Variants in SEMA3A observed in about 807,000 individuals in gnomAD.
SEMA3A encodes semaphorin 3A, also known as semaphorin-3A.
In SEMA3A, 29 loss-of-function variants were observed where a neutral mutation model predicts 97.9. The ratio of observed to expected loss-of-function variants is 0.30; its 90% CI spans 0.22 to 0.40. The LOEUF (loss-of-function observed/expected upper bound fraction) is 0.40. Among genes scored for constraint, SEMA3A ranks in the 10% least tolerant of loss-of-function variants. SEMA3A has a pLI of 1.00. For missense variants in SEMA3A, 763 were observed against 951.3 expected, an observed-to-expected ratio of 0.80 and a Z score of 2.60; for synonymous variants, 321 against 323.7, an observed-to-expected ratio of 0.99 and a Z score of 0.09.
At chr7:84,404,410 A>C in intron 1 of SEMA3A, among the ~76,000 whole-genome samples, 1 of 152,240 alleles carries the variant, frequency 6.6e-6, no homozygotes, top group East Asian at 1.9e-4. Flanking sequence ...GACCAAATCT[A>C]CGTCTAATTG....
chr7:84,331,153 A>T (rs1010931042), intron 2 of SEMA3A, among the ~76,000 whole-genome samples: 1 of 152,134 alleles, frequency 6.6e-6, no homozygotes, highest in Non-Finnish European at 1.5e-5. Flanking sequence ...TCCAAATCCT[A>T]CTTTGAAGCC....
intron 1 of SEMA3A, among the ~76,000 whole-genome samples, chr7:84,380,537 T>G (rs185627053): frequency 1.9e-4 from 29 of 152,214 alleles, no homozygotes; most frequent in Admixed American, 1.6e-3. Context: ...AGGACACTGA[T>G]GGAGATTATG....
At chr7:84,332,588 A>G (rs1801933526) in intron 2 of SEMA3A, among the ~76,000 whole-genome samples, 1 of 152,080 alleles carries the variant, frequency 6.6e-6, no homozygotes, top group Non-Finnish European at 1.5e-5. Flanking sequence ...GTGGCAATTT[A>G]GTGTGGTAGT....
intron 4 of SEMA3A, among the ~76,000 whole-genome samples, chr7:84,068,378 C>A (rs1464423833): frequency 7.0e-6 from 1 of 143,472 alleles, no homozygotes; most frequent in Non-Finnish European, 1.5e-5. Context: ...ACATATGTAA[C>A]TAACCTGCAC....
chr7:84,266,155 C>T (rs539264801), intron 3 of SEMA3A, among the ~76,000 whole-genome samples: 20 of 151,718 alleles, frequency 1.3e-4, no homozygotes, highest in African/African-American at 3.9e-4. Context: ...CCTGTCTCTA[C>T]TAAAAATACA....
At chr7:84,326,661 C>T (rs1801781765) in intron 2 of SEMA3A, among the ~76,000 whole-genome samples, 1 of 151,824 alleles carries the variant, frequency 6.6e-6, no homozygotes, top group Non-Finnish European at 1.5e-5. Context: ...CTGTTACAGG[C>T]ACAATATCAT....
At chr7:84,395,309 A>G (rs1221185496) in intron 1 of SEMA3A, among the ~76,000 whole-genome samples, 2 of 152,004 alleles carry the variant, frequency 1.3e-5, no homozygotes, top group Non-Finnish European at 2.9e-5. Context: ...AAAACTGTTA[A>G]CTGCAATTCA....
At chr7:84,488,569 C>G (rs1307673042) in intron 1 of SEMA3A, among the ~76,000 whole-genome samples, 2 of 152,066 alleles carry the variant, frequency 1.3e-5, no homozygotes, top group East Asian at 1.9e-4. Context: ...GTTTGTCAGT[C>G]AGCCAGACAT....
At chr7:84,377,369 C>A (rs1327469181) in intron 1 of SEMA3A, among the ~76,000 whole-genome samples, 6 of 152,128 alleles carry the variant, frequency 3.9e-5, no homozygotes, top group African/African-American at 1.4e-4. Flanking sequence ...GCACAGAAAT[C>A]AATTACTTAC....
At chr7:84,199,794 A>G (rs1176238187), upstream of SEMA3A, among the ~76,000 whole-genome samples, 1 of 152,100 alleles carries the variant, frequency 6.6e-6, no homozygotes, top group South Asian at 2.1e-4. Context: ...CACTCTATTA[A>G]TTGGAGAAAA....
chr7:83,979,274 C>T lies in SEMA3A; in HGVS notation c.1652+2047G>A, dbSNP rs1014460574. 2.6e-4 allele frequency among the ~76,000 whole-genome samples: 40 copies of T among 151,926 alleles called. 1 individual carries two copies. The highest frequency in any genetic ancestry group is 8.5e-4 in the African/African-American group (35 of 41,344). On this transcript the variant is annotated intron_variant, in intron 14 of 16. Transcript: ENST00000265362. ...TCAGCCTCCCAAATAGCTGGGATTA[C>T]AGGCATCCGCCACCACACATGGCTA...
At chr7:84,420,331 G>T (rs1203504558) in intron 1 of SEMA3A, among the ~76,000 whole-genome samples, 2 of 151,792 alleles carry the variant, frequency 1.3e-5, no homozygotes, top group Non-Finnish European at 2.9e-5. Context: ...CCAGGAAAAT[G>T]ATGGATGTAC....
At chr7:84,024,829 T>C (rs1388886153) in intron 6 of SEMA3A, among the ~76,000 whole-genome samples, 1 of 152,178 alleles carries the variant, frequency 6.6e-6, no homozygotes, top group African/African-American at 2.4e-5. Flanking sequence ...GGCTCATGCC[T>C]GTAATCCCAG....
chr7:84,297,047 A>G (rs1347175317), intron 3 of SEMA3A, among the ~76,000 whole-genome samples: 11 of 152,122 alleles, frequency 7.2e-5, no homozygotes, highest in Admixed American at 7.2e-4. Flanking sequence ...GCACAATCTC[A>G]GCTCACTGCA....
At chr7:84,284,742 TA>T (rs1800537294) in intron 3 of SEMA3A, among the ~76,000 whole-genome samples, 2 of 152,176 alleles carry the variant, frequency 1.3e-5, no homozygotes, top group Admixed American at 6.6e-5. Context: ...AGAATGTGCT[TA>T]TTTTTTCAAC....
At chr7:84,345,369 C>T (rs1468640939) in intron 2 of SEMA3A, among the ~76,000 whole-genome samples, 1 of 152,150 alleles carries the variant, frequency 6.6e-6, no homozygotes, top group East Asian at 1.9e-4. Context: ...GTTGAGATGG[C>T]TGGAGAAGTT....
At chr7:84,197,479 C>T (rs996033), upstream of SEMA3A, among the ~76,000 whole-genome samples, 96,889 of 151,978 alleles carry the variant, frequency 0.64, 31,142 homozygotes, top group East Asian at 0.76. Flanking sequence ...GCCTGAAAAA[C>T]ACTCACAAAA....
chr7:84,052,197 C>T (rs1305630842), intron 5 of SEMA3A, among the ~76,000 whole-genome samples: 2 of 151,814 alleles, frequency 1.3e-5, no homozygotes, highest in Admixed American at 6.6e-5. Context: ...CTCTGCCTGG[C>T]TTTGGTATCA....
At chr7:83,989,518 C>A (rs1196716024) in intron 12 of SEMA3A, among the ~76,000 whole-genome samples, 6 of 137,646 alleles carry the variant, frequency 4.4e-5, no homozygotes, top group East Asian at 2.3e-4. Context: ...CTTCCTGTGT[C>A]CATGTGATCT....
Sources: gnomAD v4.1 joint callset for allele counts (sites outside exome capture counted in the v4.1 genomes callset) on GRCh38, gnomAD v4.1.1 for gene constraint, MANE v1.5 for transcripts, NCBI Gene and HGNC (gene_info 2026-07-23, HGNC 2026-07-21) for gene names.